ADAM28: variants seen among roughly 807,000 people sequenced by gnomAD.
ADAM28 encodes the protein disintegrin and metalloproteinase domain-containing protein 28.
Under a neutral mutation model 101.2 loss-of-function variants are expected in ADAM28, and 105 were observed. That is an observed-to-expected ratio of 1.04 (90% CI 0.89 to 1.22). The LOEUF is 1.22. Ranked by LOEUF, ADAM28 falls within the 50% of genes most tolerant of loss-of-function variation. ADAM28 has a pLI of 0.00. For missense variants in ADAM28, 1,028 were observed against 945.4 expected (o/e 1.09, Z -1.15); for synonymous variants, 322 against 310.6 (o/e 1.04, Z -0.39).
intron 4 of ADAM28, 63 bp from the exon 5 acceptor site, chr8:24,311,298 C>T (rs766241517): frequency 2.0e-5 from 25 of 1,267,404 alleles, no homozygotes; most frequent in South Asian, 5.4e-5. Context: ...ATTTCAGATG[C>T]GGCTTTAGCA....
intron 19 of ADAM28, 73 bp downstream of exon 19, chr8:24,350,045 A>C: frequency 7.8e-7 from 1 of 1,277,592 alleles, no homozygotes; most frequent in Non-Finnish European, 1.1e-6. Flanking sequence ...TCAATGTATA[A>C]CCTATCCTTT....
intron 4 of ADAM28, among the ~76,000 whole-genome samples, chr8:24,310,667 G>C (rs983386914): frequency 6.6e-6 from 1 of 152,052 alleles, no homozygotes; most frequent in African/African-American, 2.4e-5. Flanking sequence ...TCTTTTCTTA[G>C]ACTGAGCAGA....
At chr8:24,309,435 G>A (rs974345127) in intron 2 of ADAM28, among the ~76,000 whole-genome samples, 10 of 152,070 alleles carry the variant, frequency 6.6e-5, no homozygotes, top group African/African-American at 1.7e-4. Flanking sequence ...TTTATGTGTC[G>A]TTTTAAACAT....
At chr8:24,330,374 G>C (rs186946086) in intron 11 of ADAM28, among the ~76,000 whole-genome samples, 3 of 151,998 alleles carry the variant, frequency 2.0e-5, no homozygotes, top group Admixed American at 2.0e-4. Flanking sequence ...CAGAAAAATC[G>C]TTAGCATTTA....
rs1816769529 is a variant in ADAM28 at position 24,357,676 on chromosome 8, G to A, written c.*3272G>A. On this transcript the variant is annotated 3_prime_UTR_variant, in exon 23 of 23. Transcript: ENST00000265769. Reference sequence around the variant, plus strand: ...AATGAGATTTGGGGGGATGGACACAGAGCCAAACCATATAATGTTTTAAAT... The same window carrying A: ...AATGAGATTTGGGGGGATGGACACAAAGCCAAACCATATAATGTTTTAAAT... The A allele has an allele frequency of 6.6e-6, 1 of 152,160 alleles. No homozygotes were observed. The highest frequency in any genetic ancestry group is 1.5e-5 in the Non-Finnish European group (1 of 68,022). The allele number at this position is 152,160 out of a possible 1,614,324, so 9.4% of individuals were successfully genotyped here. A position where few individuals can be genotyped will look rare whatever the true frequency, so the allele number is the denominator to read the frequency against.
At chr8:24,348,125 CTT>C (rs1265439824) in intron 18 of ADAM28, among the ~76,000 whole-genome samples, 1 of 151,910 alleles carries the variant, frequency 6.6e-6, no homozygotes, top group Non-Finnish European at 1.5e-5. Context: ...TTCTTATAGA[CTT>C]ATTGATTTTA....
chr8:24,326,973 T>A (rs1812702076), intron 10 of ADAM28, among the ~76,000 whole-genome samples: 1 of 152,056 alleles, frequency 6.6e-6, no homozygotes, highest in Admixed American at 6.6e-5. Context: ...GCATTCCTTT[T>A]GAAAGACAGC....
At chr8:24,318,274 C>A (rs932074420) in intron 6 of ADAM28, among the ~76,000 whole-genome samples, 2 of 151,940 alleles carry the variant, frequency 1.3e-5, no homozygotes, top group African/African-American at 4.8e-5. Flanking sequence ...GTGGAAAGAG[C>A]TTTGCTTTTG....
In ADAM28 at chr8:24,343,564, A is replaced by C; in HGVS notation, c.1970A>C (p.Asp657Ala). 1.2e-6 allele frequency: 2 copies of C among 1,613,762 alleles called. No individual in the cohort carries two copies. Among genetic ancestry groups the C allele is most frequent in the Non-Finnish European group, 1.7e-6 (2 of 1,179,798 alleles). Residue 657 changes from aspartate (D) to alanine (A), a missense_variant, in exon 18 of 23, where the codon GAT (aspartate) becomes GCT (alanine). Coordinates refer to ENST00000265769, the MANE Select transcript of ADAM28 (RefSeq NM_014265.6). ...GAAGGATGGATCCCTCCCGACTGCG[A>C]TGACTCCTCAGTGGTCTTCCGTAGG... Reference protein sequence around the residue: ...CEEGWIPPDCDDSSVVFHFSI... With the variant: ...CEEGWIPPDCADSSVVFHFSI...
intron 2 of ADAM28, among the ~76,000 whole-genome samples, chr8:24,301,281 G>A (rs1808720389): frequency 6.6e-6 from 1 of 152,122 alleles, no homozygotes; most frequent in Admixed American, 6.5e-5. Flanking sequence ...GAACCCAAAA[G>A]CATAGGATTC....
At chr8:24,332,589 A>T in intron 12 of ADAM28, 71 bp from the exon 13 acceptor site, 1 of 740,834 alleles carries the variant, frequency 1.3e-6, no homozygotes, top group Non-Finnish European at 2.1e-6. Context: ...TGAATATAGT[A>T]TGTTACAAAT....
intron 21 of ADAM28, 116 bp from the exon 22 acceptor site, chr8:24,353,654 A>C: frequency 1.3e-6 from 1 of 750,424 alleles, no homozygotes; most frequent in Non-Finnish European, 2.2e-6. Flanking sequence ...AGTTGGGTAG[A>C]ATTTAAATGA....
At chr8:24,343,060 T>A (rs539366162) in intron 16 of ADAM28, 41 bp from the exon 17 acceptor site, 1 of 1,612,898 alleles carries the variant, frequency 6.2e-7, no homozygotes, top group Non-Finnish European at 8.5e-7. Flanking sequence ...TCATCTACGT[T>A]CAGAGAAGAT....
intron 2 of ADAM28, among the ~76,000 whole-genome samples, 178 bp from the exon 3 acceptor site, chr8:24,309,716 A>T (rs536404923): frequency 1.3e-5 from 2 of 152,302 alleles, no homozygotes; most frequent in African/African-American, 4.8e-5. Flanking sequence ...AAAGGCTCTC[A>T]GATAATTTGT....
rs35186768 is a variant in ADAM28 at position 24,313,447 on chromosome 8, G to A, written c.443G>A (p.Arg148Gln). 130 of 1,613,698 alleles carry A rather than the reference G, an allele frequency of 8.1e-5. 1 individual carries two copies. The highest frequency in any genetic ancestry group is 3.8e-4 in the South Asian group (35 of 91,048). ...YFIEPLSPIHRDGQEHALFKY... is the reference protein window; with the variant it reads ...YFIEPLSPIHQDGQEHALFKY... ...ATTGAACCTTTAAGCCCCATACATC[G>A]GGATGGACAGGAGCATGCACTCTTC... The change falls in exon 6 of 23, where the codon CGG (arginine) becomes CAG (glutamine). Residue 148 changes from arginine to glutamine, a missense_variant. Transcript: ENST00000265769.
At chr8:24,297,460 C>CA (rs1808122890) in intron 1 of ADAM28, among the ~76,000 whole-genome samples, 1 of 152,050 alleles carries the variant, frequency 6.6e-6, no homozygotes, top group African/African-American at 2.4e-5. Flanking sequence ...TGCTTTTATA[C>CA]AAAAAATCGG....
At chr8:24,305,654 G>T (rs56091995) in intron 2 of ADAM28, among the ~76,000 whole-genome samples, 1 of 151,634 alleles carries the variant, frequency 6.6e-6, no homozygotes, top group South Asian at 2.1e-4. Context: ...GATAATTGAA[G>T]AAAAAATTAC....
intron 6 of ADAM28, among the ~76,000 whole-genome samples, chr8:24,313,991 G>A (rs57571178): frequency 3.9e-5 from 6 of 152,012 alleles, no homozygotes; most frequent in East Asian, 1.9e-4. Context: ...TCCCGACCTC[G>A]GGTGATCCAC....
intron 2 of ADAM28, among the ~76,000 whole-genome samples, chr8:24,307,685 C>G (rs1379157792): frequency 1.3e-5 from 2 of 152,176 alleles, no homozygotes; most frequent in Admixed American, 1.3e-4. Context: ...AACCTATACT[C>G]TGTGAAAGTC....
Sources: allele counts gnomAD v4.1 joint callset (sites outside exome capture counted in the v4.1 genomes callset), GRCh38; gene constraint gnomAD v4.1.1; transcripts MANE v1.5; gene names NCBI Gene and HGNC (gene_info 2026-07-23, HGNC 2026-07-21).